FREM1: variants seen among roughly 807,000 people sequenced by gnomAD.
FREM1 encodes the protein FRAS1-related extracellular matrix protein 1.
FREM1 carries 220 observed loss-of-function variants against 210.1 expected under a neutral mutation model. The observed-to-expected ratio is 1.05, with a 90% CI of 0.94 to 1.17. The LOEUF (loss-of-function observed/expected upper bound fraction) is 1.17, where lower values mean the gene tolerates loss of function less well. Among genes scored for constraint, FREM1 ranks in the 50% most tolerant of loss-of-function variants. FREM1 has a pLI of 0.00. For missense variants in FREM1, 3,454 were observed against 2,675.5 expected, an observed-to-expected ratio of 1.29 and a Z score of -6.42; for synonymous variants, 1,189 against 980.2, an observed-to-expected ratio of 1.21 and a Z score of -3.98.
At chr9:14,743,127 C>A (rs570796725) in intron 35 of FREM1, among the ~76,000 whole-genome samples, 1 of 151,962 alleles carries the variant, frequency 6.6e-6, no homozygotes, top group South Asian at 2.1e-4. Flanking sequence ...TACAGTCAGG[C>A]TAATATAAAA....
At chr9:14,876,377 C>A (rs1270634579) in intron 1 of FREM1, among the ~76,000 whole-genome samples, 1 of 152,126 alleles carries the variant, frequency 6.6e-6, no homozygotes, top group Non-Finnish European at 1.5e-5. Flanking sequence ...CAAGCCTGGG[C>A]AATGGCGGGC....
chr9:14,904,135 A>C (rs949939054), intron 1 of FREM1, among the ~76,000 whole-genome samples: 6 of 151,052 alleles, frequency 4.0e-5, no homozygotes, highest in Non-Finnish European at 8.9e-5. Flanking sequence ...AAAAAAAAAA[A>C]AACACTTAGA....
At chr9:14,795,384 C>T (rs573764741) in intron 21 of FREM1, among the ~76,000 whole-genome samples, 2 of 152,296 alleles carry the variant, frequency 1.3e-5, no homozygotes, top group South Asian at 4.1e-4. Flanking sequence ...CATTTGCTCT[C>T]TTAACCACAA....
intron 1 of FREM1, among the ~76,000 whole-genome samples, chr9:14,909,005 C>G (rs1180543810): frequency 2.6e-5 from 4 of 152,074 alleles, no homozygotes; most frequent in African/African-American, 9.7e-5. Context: ...TCAGGAACAG[C>G]GGGTGTCAGT....
chr9:14,790,093 C>T (rs998989939), intron 22 of FREM1, among the ~76,000 whole-genome samples: 1 of 152,114 alleles, frequency 6.6e-6, no homozygotes, highest in African/African-American at 2.4e-5. Context: ...CAAGACTTTG[C>T]CCATCTGAAC....
chr9:14,760,647 G>C (rs1032451582), intron 27 of FREM1, among the ~76,000 whole-genome samples: 2 of 152,076 alleles, frequency 1.3e-5, no homozygotes, highest in African/African-American at 4.8e-5. Flanking sequence ...ACAAGCTTCA[G>C]AGAGGTTAAG....
Position 14,775,987 on chromosome 9 carries a change from G to A in FREM1, c.4659C>T (p.Gly1553=). ...TFLLVQLPQH[G]QLYLWGTGLL... ...GCCCTGTCCCCCACAGGTAGAGCTGGCCATGCTGGGGGAGCTGAACCAAGA... is the reference window on the plus strand; with the variant it reads ...GCCCTGTCCCCCACAGGTAGAGCTGACCATGCTGGGGGAGCTGAACCAAGA... The change falls in exon 25 of 37, where the codon GGC becomes GGT. Residue 1553 remains glycine (G), a synonymous_variant. Transcript: ENST00000380880. 1 of 1,614,030 alleles carries A rather than the reference G, an allele frequency of 6.2e-7. No homozygotes were observed. The highest frequency in any genetic ancestry group is 8.5e-7 in the Non-Finnish European group (1 of 1,179,882).
chr9:14,865,388 G>T (rs1470769325), intron 2 of FREM1, among the ~76,000 whole-genome samples: 6 of 152,176 alleles, frequency 3.9e-5, no homozygotes, highest in South Asian at 2.1e-4. Context: ...TATCAAGAGG[G>T]TTATCTGAAC....
Position 14,784,661 on chromosome 9 carries a change from A to G in FREM1, c.4178-27T>C. The G allele has an allele frequency of 3.4e-6, 5 of 1,473,186 alleles. No homozygotes were observed. In the South Asian group the frequency reaches 4.7e-5, roughly 14 times the overall value. 91.3% of individuals were successfully genotyped at this position (1,473,186 alleles called of 1,614,324 possible). ...TACATGACATAAGAGGTTATGGTCA[A>G]TAATCATATCAAAAAACACATTATG... On this transcript the variant is annotated intron_variant, in intron 23 of 36. Coordinates refer to ENST00000380880, the MANE Select transcript of FREM1 (RefSeq NM_001379081.2).
intron 1 of FREM1, among the ~76,000 whole-genome samples, chr9:14,871,874 G>C (rs373067652): frequency 3.3e-5 from 5 of 152,048 alleles, no homozygotes; most frequent in Non-Finnish European, 5.9e-5. Flanking sequence ...TTTCAGCTTT[G>C]TACATATGGC....
chr9:14,797,572 A>T lies in FREM1; in HGVS notation c.3765T>A (p.Asp1255Glu). 6.2e-7 allele frequency: 1 copy of T among 1,612,780 alleles called. No homozygotes were observed. Among genetic ancestry groups the T allele is most frequent in the Non-Finnish European group, 8.5e-7 (1 of 1,178,962 alleles). Reference protein sequence around the residue: ...LADDFTIQLSDGKHKILKTIS... With the variant: ...LADDFTIQLSEGKHKILKTIS... ...TGGTTTTAAGTATCTTATGTTTCCC[A>T]TCTGACAATTGGATTGTAAAATCAT... The change falls in exon 21 of 37, where the codon GAT becomes GAA. Residue 1255 changes from aspartate (D) to glutamate (E), a missense_variant. Asp to Glu is a conservative substitution (Grantham distance 45). Coordinates refer to ENST00000380880, the MANE Select transcript of FREM1 (RefSeq NM_001379081.2).
intron 16 of FREM1, among the ~76,000 whole-genome samples, chr9:14,809,311 T>C (rs1216939626): frequency 2.0e-5 from 3 of 152,312 alleles, no homozygotes; most frequent in Middle Eastern, 3.4e-3. Context: ...CGGGTATGTC[T>C]TTATCAGCAG....
chr9:14,740,184 AG>A lies in FREM1; in HGVS notation c.6304del (p.Leu2102SerfsTer12), dbSNP rs1395225957. 11 of 1,613,268 alleles carry A rather than the reference AG, an allele frequency of 6.8e-6. No homozygotes were observed. The highest frequency in any genetic ancestry group is 8.5e-6 in the Non-Finnish European group (10 of 1,179,554). ...TVFSRQHMRW[L>X]WDIGGRKSFW... ...GGACTTTCTCCCACCAATGTCCCAG[AG>A]CCACCGCATGTGCTGCCTGGAGAAT... On this transcript the variant is annotated frameshift_variant, in exon 36 of 37. Transcript: ENST00000380880. LOFTEE classifies it high-confidence loss of function.
intron 8 of FREM1, 74 bp from the exon 9 acceptor site, chr9:14,842,734 T>C: frequency 9.6e-7 from 1 of 1,043,312 alleles, no homozygotes; most frequent in Non-Finnish European, 1.4e-6. Flanking sequence ...AAAGCATCAA[T>C]ACAGTAGAGG....
intron 26 of FREM1, 69 bp downstream of exon 26, chr9:14,770,536 T>C: frequency 1.7e-6 from 2 of 1,196,370 alleles, no homozygotes; most frequent in Non-Finnish European, 1.2e-6. Flanking sequence ...CTTAATTAAA[T>C]TACTCTCTAG....
Position 14,748,601 on chromosome 9 carries a change from G to C in FREM1, c.5596C>G (p.His1866Asp). 1.2e-6 allele frequency: 2 copies of C among 1,613,672 alleles called. No homozygotes were observed. The highest frequency in any genetic ancestry group is 1.7e-6 in the Non-Finnish European group (2 of 1,179,730). The change falls in exon 31 of 37, where the codon CAC becomes GAC. Residue 1866 changes from histidine (H) to aspartate (D), a missense_variant. His to Asp is a moderately conservative substitution (Grantham distance 81). Coordinates refer to ENST00000380880, the MANE Select transcript of FREM1 (RefSeq NM_001379081.2). ...HPSYSSNQSK[H>D]STWEKGIWHL... Reference sequence around the variant, plus strand: ...CAAATGCCCTTCTCCCATGTGCTGTGCTTGCTTTGGTTGGAGGAATATGAA... The same window carrying C: ...CAAATGCCCTTCTCCCATGTGCTGTCCTTGCTTTGGTTGGAGGAATATGAA...
chr9:14,821,154 G>T (rs1378784752), intron 13 of FREM1, among the ~76,000 whole-genome samples: 1 of 152,142 alleles, frequency 6.6e-6, no homozygotes, highest in Non-Finnish European at 1.5e-5. Flanking sequence ...CACTTGGCCA[G>T]CTCTCTGCAG....
At chr9:14,873,629 C>T (rs1480703101) in intron 1 of FREM1, among the ~76,000 whole-genome samples, 1 of 152,128 alleles carries the variant, frequency 6.6e-6, no homozygotes, top group Non-Finnish European at 1.5e-5. Flanking sequence ...ATCCTGGATT[C>T]ATTAATTTTT....
intron 29 of FREM1, among the ~76,000 whole-genome samples, chr9:14,750,909 T>C (rs1336855498): frequency 1.3e-5 from 2 of 152,188 alleles, no homozygotes; most frequent in Non-Finnish European, 2.9e-5. Context: ...CCTCTATTCA[T>C]GAAGTTACAA....
Sources: allele counts gnomAD v4.1 joint callset (sites outside exome capture counted in the v4.1 genomes callset), GRCh38; gene constraint gnomAD v4.1.1; transcripts MANE v1.5; gene names NCBI Gene and HGNC (gene_info 2026-07-23, HGNC 2026-07-21).